Variants in SHISA9 observed in about 807,000 individuals in gnomAD.
SHISA9 encodes protein shisa-9.
SHISA9 carries 13 observed loss-of-function variants against 38.0 expected under a neutral mutation model. The ratio of observed to expected loss-of-function variants is 0.34; its 90% CI spans 0.22 to 0.54. The LOEUF (loss-of-function observed/expected upper bound fraction) is 0.54, where lower values mean the gene tolerates loss of function less well. SHISA9 is among the 20% of genes least tolerant of loss of function. SHISA9 has a pLI of 0.91. For missense variants in SHISA9, 538 were observed against 575.8 expected (o/e 0.93, Z 0.67); for synonymous variants, 275 against 242.0 (o/e 1.14, Z -1.27).
chr16:13,115,235 T>G (rs1379095059), intron 2 of SHISA9, among the ~76,000 whole-genome samples: 1 of 152,112 alleles, frequency 6.6e-6, no homozygotes, highest in Non-Finnish European at 1.5e-5. Context: ...CTATCAGCAC[T>G]AGAGGAATTA....
At chr16:13,021,256 G>A (rs2072850213) in intron 2 of SHISA9, among the ~76,000 whole-genome samples, 1 of 152,092 alleles carries the variant, frequency 6.6e-6, no homozygotes, top group Non-Finnish European at 1.5e-5. Context: ...GATGGCTCCT[G>A]GCATCTAGTG....
intron 2 of SHISA9, among the ~76,000 whole-genome samples, chr16:13,095,746 T>TCG (rs1244403619): frequency 3.3e-5 from 5 of 152,234 alleles, no homozygotes; most frequent in African/African-American, 1.2e-4. Flanking sequence ...TTTCACATAC[T>TCG]ATCAGGCACC....
At chr16:13,343,394 T>G in the SHISA9 span, among the ~76,000 whole-genome samples, 1 of 152,148 alleles carries the variant, frequency 6.6e-6, no homozygotes, top group Non-Finnish European at 1.5e-5. Flanking sequence ...TTCTCTCTAG[T>G]ACCACAAATA....
At chr16:13,368,597 C>A in the SHISA9 span, among the ~76,000 whole-genome samples, 1 of 151,628 alleles carries the variant, frequency 6.6e-6, no homozygotes, top group Non-Finnish European at 1.5e-5. Context: ...AAGACGTATC[C>A]AGCTGATGGT....
At chr16:13,126,665 A>C (rs2050259871) in intron 2 of SHISA9, among the ~76,000 whole-genome samples, 1 of 130,342 alleles carries the variant, frequency 7.7e-6, no homozygotes, top group Non-Finnish European at 1.6e-5. Context: ...GAGACTGAGG[A>C]AGGGAGAGAG....
intron 2 of SHISA9, among the ~76,000 whole-genome samples, chr16:12,959,220 G>T (rs1231527075): frequency 6.6e-6 from 1 of 152,200 alleles, no homozygotes; most frequent in Non-Finnish European, 1.5e-5. Context: ...GATTAATAAT[G>T]AACCTGATTC....
intron 1 of SHISA9, among the ~76,000 whole-genome samples, chr16:12,906,692 C>CA (rs56148618): frequency 0.14 from 20,743 of 152,084 alleles, 1,572 homozygotes; most frequent in South Asian, 0.29. Context: ...TTTAAACATA[C>CA]AAAAAAACCT....
At chr16:13,336,855 C>G in the SHISA9 span, among the ~76,000 whole-genome samples, 3 of 152,154 alleles carry the variant, frequency 2.0e-5, no homozygotes, top group African/African-American at 7.2e-5. Context: ...TCTGTGGAGG[C>G]TCAAACCTCC....
At chr16:12,920,642 A>G (rs1051718497) in intron 2 of SHISA9, among the ~76,000 whole-genome samples, 8 of 152,202 alleles carry the variant, frequency 5.3e-5, no homozygotes, top group Non-Finnish European at 5.9e-5. Context: ...TGTACCAGCA[A>G]ACATAAAACA....
At chr16:13,500,876 A>T in the SHISA9 span, among the ~76,000 whole-genome samples, 1 of 152,222 alleles carries the variant, frequency 6.6e-6, no homozygotes, top group Admixed American at 6.5e-5. Flanking sequence ...GTGCAGTTTC[A>T]GGAAGCTTTA....
chr16:13,478,246 T>C, the SHISA9 span, among the ~76,000 whole-genome samples: 1 of 152,344 alleles, frequency 6.6e-6, no homozygotes, highest in South Asian at 2.1e-4. Flanking sequence ...CTCCTGTTTC[T>C]TATGCTTTCT....
intron 2 of SHISA9, among the ~76,000 whole-genome samples, chr16:13,016,154 A>G (rs944015215): frequency 2.7e-5 from 4 of 150,430 alleles, no homozygotes; most frequent in Non-Finnish European, 5.9e-5. Flanking sequence ...AATTTTTTGT[A>G]TTTTTAGTAG....
Position 12,948,267 on chromosome 16 carries a change from C to T in SHISA9, c.691+31452C>T, listed in dbSNP as rs575981385. 5.7e-4 allele frequency among the ~76,000 whole-genome samples: 87 copies of T among 152,266 alleles called. 1 individual carries two copies. The highest frequency in any genetic ancestry group is 9.0e-4 in the Non-Finnish European group (61 of 68,022). ...GATTTGAACCCTGGTTTGACTATTT[C>T]TAAACAAAACCAAGCTCTTGAACTA... On this transcript the variant is annotated intron_variant, in intron 2 of 4. Coordinates refer to ENST00000558583, the MANE Select transcript of SHISA9 (RefSeq NM_001145204.3).
chr16:13,539,326 G>GTATATATAT, the SHISA9 span, among the ~76,000 whole-genome samples: 30 of 33,800 alleles, frequency 8.9e-4, 1 homozygote, highest in South Asian at 4.3e-3. Flanking sequence ...ATAAAGACAG[G>GTATATATAT]ATCTTTATAT....
the SHISA9 span, among the ~76,000 whole-genome samples, chr16:13,434,419 G>GTTTTTTTTTTTATTTTTTTT: frequency 1.5e-5 from 1 of 64,566 alleles, no homozygotes; most frequent in African/African-American, 5.4e-5. Context: ...GACAAGCTAT[G>GTTTTTTTTTTTATTTTTTTT]TTTTTTTTTT....
the SHISA9 span, among the ~76,000 whole-genome samples, chr16:13,422,169 A>T: frequency 6.6e-6 from 1 of 152,170 alleles, no homozygotes; most frequent in African/African-American, 2.4e-5. Flanking sequence ...CTGATGTCTG[A>T]TGGCAAATGC....
At chr16:12,979,409 T>G (rs543054205) in intron 2 of SHISA9, among the ~76,000 whole-genome samples, 2 of 152,240 alleles carry the variant, frequency 1.3e-5, no homozygotes, top group South Asian at 4.1e-4. Flanking sequence ...TCTAGTTAAT[T>G]ATATTTAATA....
intron 2 of SHISA9, among the ~76,000 whole-genome samples, chr16:13,190,213 A>G (rs1362458533): frequency 6.0e-5 from 9 of 149,614 alleles, no homozygotes; most frequent in Admixed American, 4.0e-4. Context: ...TATATCTCCC[A>G]ATGCTATCCC....
At chr16:13,487,747 T>A in the SHISA9 span, among the ~76,000 whole-genome samples, 2 of 152,258 alleles carry the variant, frequency 1.3e-5, no homozygotes, top group African/African-American at 2.4e-5. Flanking sequence ...GCATTGTTTT[T>A]AAGTTTCCAT....
Sources: allele counts gnomAD v4.1 joint callset (sites outside exome capture counted in the v4.1 genomes callset), GRCh38; gene constraint gnomAD v4.1.1; transcripts MANE v1.5; gene names NCBI Gene and HGNC (gene_info 2026-07-23, HGNC 2026-07-21).